GNPTAB: variants seen among roughly 807,000 people sequenced by gnomAD.
GNPTAB encodes the protein N-acetylglucosamine-1-phosphotransferase subunits alpha/beta.
GNPTAB carries 92 observed loss-of-function variants against 136.6 expected under a neutral mutation model. That is an observed-to-expected ratio of 0.67 (90% confidence interval 0.57 to 0.80). The LOEUF is 0.80. Among genes scored for constraint, GNPTAB ranks in the 30% least tolerant of loss-of-function variants. The pLI, the probability that GNPTAB is intolerant of heterozygous loss-of-function variation, is 0.00. For missense variants in GNPTAB, 1,343 were observed against 1,501.8 expected (o/e 0.89, Z 1.75); for synonymous variants, 512 against 535.1 (o/e 0.96, Z 0.60).
Position 101,780,612 on chromosome 12 carries a change from G to A in GNPTAB, c.581C>T (p.Ala194Val), listed in dbSNP as rs1045470352. 1 of 1,606,960 alleles carries A rather than the reference G, an allele frequency of 6.2e-7. No homozygotes were observed. The highest frequency in any genetic ancestry group is 8.5e-7 in the Non-Finnish European group (1 of 1,173,760). ...ATTTCCTTTAAGCAGTCCAGAGTGG[G>A]CATCTTCAACTACAACCAAGAATAC... ...VFDSTKDVED[A>V]HSGLLKGNSR... is the part of the protein sequence containing the mutation. The change falls in exon 6 of 21, where the codon GCC (alanine) becomes GTC (valine). Residue 194 changes from alanine (A) to valine (V), a missense_variant. By Grantham distance (64) the Ala-to-Val change is moderately conservative. Coordinates refer to ENST00000299314, the MANE Select transcript of GNPTAB (RefSeq NM_024312.5).
At chr12:101,806,227 T>C (rs1307900374) in intron 1 of GNPTAB, among the ~76,000 whole-genome samples, 2 of 152,126 alleles carry the variant, frequency 1.3e-5, no homozygotes, top group African/African-American at 2.4e-5. Flanking sequence ...ATCAGCAAAA[T>C]GGTGGAACAG....
chr12:101,763,460 T>C (rs572157568), intron 13 of GNPTAB, among the ~76,000 whole-genome samples: 28 of 152,272 alleles, frequency 1.8e-4, no homozygotes, highest in African/African-American at 6.3e-4. Flanking sequence ...ATTTTTTTTT[T>C]TGGTCTGTCA....
At chr12:101,778,109 A>G (rs1209120701) in intron 7 of GNPTAB, among the ~76,000 whole-genome samples, 1 of 152,170 alleles carries the variant, frequency 6.6e-6, no homozygotes, top group African/African-American at 2.4e-5. Context: ...CTTATACCAC[A>G]CATGCCACCC....
At chr12:101,755,296 A>G (rs1426109371) in intron 18 of GNPTAB, among the ~76,000 whole-genome samples, 1 of 152,166 alleles carries the variant, frequency 6.6e-6, no homozygotes, top group East Asian at 1.9e-4. Flanking sequence ...AGGAAGTTTT[A>G]GTTGTAGCCT....
In GNPTAB at chr12:101,761,175, TTC is replaced by T. The variant is rs749584277; in HGVS notation, c.3085_3086del (p.Glu1029AsnfsTer35). The part of the protein sequence containing the change: ...TDQSGVLSDR[E>X]IRTLATRIHE... ...GAATTCTGGTAGCCAGTGTTCGGATTTCTCTGTCAGACAAGACACCAGATTGA... is the reference window on the plus strand; with the variant it reads ...GAATTCTGGTAGCCAGTGTTCGGATTTCTGTCAGACAAGACACCAGATTGA... On this transcript the variant is annotated frameshift_variant, in exon 15 of 21. Coordinates refer to ENST00000299314, the MANE Select transcript of GNPTAB (RefSeq NM_024312.5). LOFTEE classifies it high-confidence loss of function. 14 of 1,614,160 alleles carry T rather than the reference TTC, an allele frequency of 8.7e-6. No individual in the cohort carries two copies. Among genetic ancestry groups the T allele is most frequent in the Non-Finnish European group, 9.3e-6 (11 of 1,179,996 alleles).
At chr12:101,786,437 C>T (rs1390315212) in intron 4 of GNPTAB, among the ~76,000 whole-genome samples, 1 of 152,138 alleles carries the variant, frequency 6.6e-6, no homozygotes, top group East Asian at 1.9e-4. Flanking sequence ...TTTCAAACTC[C>T]CATTAATAAG....
intron 5 of GNPTAB, among the ~76,000 whole-genome samples, chr12:101,784,875 A>G (rs368734757): frequency 3.3e-5 from 5 of 152,324 alleles, no homozygotes; most frequent in African/African-American, 1.2e-4. Flanking sequence ...CGGACCTTCC[A>G]AATAGAGACA....
Position 101,822,136 on chromosome 12 carries a change from G to A in GNPTAB, c.117+8423C>T, listed in dbSNP as rs182161953. Among the ~76,000 whole-genome samples, 230 of 152,274 alleles carry A rather than the reference G, an allele frequency of 1.5e-3. 1 individual carries two copies. Among genetic ancestry groups the A allele is most frequent in the African/African-American group, 3.7e-3 (155 of 41,562 alleles). On this transcript the variant is annotated intron_variant, in intron 1 of 20. Transcript: ENST00000299314. ...ACTCAAGAAAGAATAAGCTCTGGCC[G>A]GGCGCGGTGGCTCACGCCTGTAATC...
At chr12:101,828,421 A>G (rs1871210653) in intron 1 of GNPTAB, among the ~76,000 whole-genome samples, 1 of 152,188 alleles carries the variant, frequency 6.6e-6, no homozygotes, top group Non-Finnish European at 1.5e-5. Flanking sequence ...ATCCCATGGG[A>G]GACCAAAGCA....
chr12:101,785,694 C>A, intron 5 of GNPTAB: 1 of 289,254 alleles, frequency 3.5e-6, no homozygotes, highest in East Asian at 8.3e-5. Flanking sequence ...AGAACGCTAC[C>A]TAGTAGAGGA....
At chr12:101,753,690 T>C (rs1490066766) in intron 18 of GNPTAB, 151 bp from the exon 19 acceptor site, 30 of 710,954 alleles carry the variant, frequency 4.2e-5, no homozygotes, top group Non-Finnish European at 6.0e-5. Context: ...TGATATTCTA[T>C]AAAATTTTTC....
rs568592908 is a variant in GNPTAB at position 101,759,569 on chromosome 12, C to T, written c.3249+461G>A. Among the ~76,000 whole-genome samples the T allele has an allele frequency of 1.1e-4, 17 of 152,238 alleles. No homozygotes were observed. In the East Asian group the frequency reaches 3.3e-3, roughly 29 times the overall value. On this transcript the variant is annotated intron_variant, in intron 16 of 20. Transcript: ENST00000299314. ...ACTAAAATGTCTCTTATAATCTATA[C>T]TCTTTCAATTATTTCAGCCAAATGA...
intron 1 of GNPTAB, among the ~76,000 whole-genome samples, chr12:101,815,750 C>A (rs1345878120): frequency 6.6e-6 from 1 of 152,124 alleles, no homozygotes; most frequent in Non-Finnish European, 1.5e-5. Flanking sequence ...TCCTGAAAGA[C>A]TGCAAAAAGA....
chr12:101,775,159 G>C (rs1357409456), intron 7 of GNPTAB, among the ~76,000 whole-genome samples: 1 of 152,078 alleles, frequency 6.6e-6, no homozygotes, highest in African/African-American at 2.4e-5. Flanking sequence ...AAAATAACAA[G>C]GCTTTCCTAT....
chr12:101,809,933 C>T (rs1453370328), intron 1 of GNPTAB, among the ~76,000 whole-genome samples: 1 of 152,156 alleles, frequency 6.6e-6, no homozygotes. Flanking sequence ...AAAAATCTAT[C>T]AATATTGATT....
intron 11 of GNPTAB, 183 bp downstream of exon 11, chr12:101,767,854 G>A: frequency 1.4e-6 from 1 of 726,988 alleles, no homozygotes; most frequent in East Asian, 2.7e-5. Flanking sequence ...CTGGCCTCAA[G>A]CACTCCTCCC....
intron 5 of GNPTAB, among the ~76,000 whole-genome samples, chr12:101,785,018 C>A (rs1291927836): frequency 6.6e-6 from 1 of 152,154 alleles, no homozygotes; most frequent in Non-Finnish European, 1.5e-5. Flanking sequence ...CCAGGAATTA[C>A]CATTTTAATT....
At chr12:101,791,506 T>C (rs1358469370) in intron 2 of GNPTAB, among the ~76,000 whole-genome samples, 1 of 148,742 alleles carries the variant, frequency 6.7e-6, no homozygotes, top group Non-Finnish European at 1.5e-5. Context: ...AAAAATCTCA[T>C]CATGTTTTAA....
Position 101,815,836 on chromosome 12 carries a change from G to A in GNPTAB, c.117+14723C>T, listed in dbSNP as rs373836408. Among the ~76,000 whole-genome samples the A allele has an allele frequency of 1.3e-3, 205 of 152,132 alleles. 1 individual carries two copies. The highest frequency in any genetic ancestry group is 4.8e-3 in the African/African-American group (198 of 41,488). On this transcript the variant is annotated intron_variant, in intron 1 of 20. Transcript: ENST00000299314. ...ATAGAAACTAAAACGGCATGGTGCTGGTATAAAACAGTCACAAAGATCAAT... is the reference window on the plus strand; with the variant it reads ...ATAGAAACTAAAACGGCATGGTGCTAGTATAAAACAGTCACAAAGATCAAT...
Sources: allele counts gnomAD v4.1 joint callset (sites outside exome capture counted in the v4.1 genomes callset), GRCh38; gene constraint gnomAD v4.1.1; transcripts MANE v1.5; gene names NCBI Gene and HGNC (gene_info 2026-07-23, HGNC 2026-07-21).